The following TNFSF4 variants were observed in gnomAD, a reference collection of about 807,000 sequenced individuals.
The protein encoded by TNFSF4 is TNF superfamily member 4, also known as tumor necrosis factor ligand superfamily member 4.
TNFSF4 carries 4 observed loss-of-function variants against 7.3 expected under a neutral mutation model. That is an observed-to-expected ratio of 0.55 (90% CI 0.27 to 1.25). TNFSF4 has a LOEUF of 1.25. Ranked by LOEUF, TNFSF4 falls within the 50% of genes most tolerant of loss-of-function variation. TNFSF4 has a pLI of 0.12. For missense variants in TNFSF4, 181 were observed against 208.8 expected (o/e 0.87, Z 0.82); for synonymous variants, 76 against 83.7 (o/e 0.91, Z 0.50).
chr1:173,181,996 T>C (rs1436318036), downstream of TNFSF4, among the ~76,000 whole-genome samples: 1 of 152,162 alleles, frequency 6.6e-6, no homozygotes, highest in East Asian at 1.9e-4. Flanking sequence ...AAAAAATACA[T>C]GTATAGAGTG....
At chr1:173,285,017 T>G in the TNFSF4 span, among the ~76,000 whole-genome samples, 1 of 152,218 alleles carries the variant, frequency 6.6e-6, no homozygotes, top group Admixed American at 6.5e-5. Flanking sequence ...TAACAATTCC[T>G]CTAATGAATC....
At chr1:173,422,471 G>C in the TNFSF4 span, among the ~76,000 whole-genome samples, 2 of 152,064 alleles carry the variant, frequency 1.3e-5, no homozygotes, top group Non-Finnish European at 2.9e-5. Flanking sequence ...AGTATGGTGT[G>C]ATAACTGTGC....
At chr1:173,419,289 C>T in the TNFSF4 span, among the ~76,000 whole-genome samples, 1 of 150,824 alleles carries the variant, frequency 6.6e-6, no homozygotes, top group African/African-American at 2.4e-5. Context: ...TTGCAGGGAG[C>T]TGAGATCACA....
the TNFSF4 span, among the ~76,000 whole-genome samples, chr1:173,425,824 C>A: frequency 2.0e-5 from 3 of 152,236 alleles, no homozygotes; most frequent in African/African-American, 7.2e-5. Flanking sequence ...ATTCTACAAC[C>A]TGCATTCATT....
the TNFSF4 span, among the ~76,000 whole-genome samples, chr1:173,272,886 A>G: frequency 6.6e-6 from 1 of 152,070 alleles, no homozygotes; most frequent in Non-Finnish European, 1.5e-5. Context: ...TCTTGATCTC[A>G]TTCATTTAAA....
chr1:173,433,259 T>C, the TNFSF4 span, among the ~76,000 whole-genome samples: 84 of 152,300 alleles, frequency 5.5e-4, no homozygotes, highest in African/African-American at 1.9e-3. Context: ...AGGAGTGTTG[T>C]CTCAAGTGCC....
At chr1:173,250,753 C>A in the TNFSF4 span, among the ~76,000 whole-genome samples, 1 of 152,170 alleles carries the variant, frequency 6.6e-6, no homozygotes, top group Non-Finnish European at 1.5e-5. Context: ...GCCACCGCGC[C>A]CGGCCTCTCC....
chr1:173,201,523 A>ACAAAGC (rs1184872194), intron 1 of TNFSF4, among the ~76,000 whole-genome samples: 3 of 152,206 alleles, frequency 2.0e-5, no homozygotes, highest in African/African-American at 7.2e-5. Context: ...CTTAGCATTT[A>ACAAAGC]CAAAGCTGTG....
chr1:173,432,075 C>A, the TNFSF4 span, among the ~76,000 whole-genome samples: 147,679 of 152,318 alleles, frequency 0.97, 71,785 homozygotes, highest in East Asian at 1. Flanking sequence ...AGGGTAGAAG[C>A]AGAAGAGGTC....
chr1:173,220,940 G>C, the TNFSF4 span, among the ~76,000 whole-genome samples: 4 of 152,238 alleles, frequency 2.6e-5, no homozygotes, highest in African/African-American at 9.6e-5. Context: ...AACCCACAGA[G>C]TAATGAAATA....
chr1:173,369,619 A>T, the TNFSF4 span, among the ~76,000 whole-genome samples: 1 of 152,048 alleles, frequency 6.6e-6, no homozygotes, highest in Non-Finnish European at 1.5e-5. Context: ...CAACAGGCTC[A>T]CCCTTGAAAT....
At chr1:173,360,486 C>T in the TNFSF4 span, among the ~76,000 whole-genome samples, 2 of 152,244 alleles carry the variant, frequency 1.3e-5, no homozygotes, top group Non-Finnish European at 1.5e-5. Context: ...GTTAATTCTA[C>T]TTACCATGCT....
upstream of TNFSF4, among the ~76,000 whole-genome samples, chr1:173,209,634 A>G (rs900367270): frequency 6.6e-6 from 1 of 152,186 alleles, no homozygotes; most frequent in Middle Eastern, 3.4e-3. Context: ...CCTCCCAAGT[A>G]GCTAGGACTA....
the TNFSF4 span, among the ~76,000 whole-genome samples, chr1:173,291,203 G>C: frequency 6.6e-6 from 1 of 152,076 alleles, no homozygotes; most frequent in East Asian, 1.9e-4. Flanking sequence ...GTAAAAGCAG[G>C]AGCAAGGGTG....
the TNFSF4 span, among the ~76,000 whole-genome samples, chr1:173,333,721 C>A: frequency 4.6e-5 from 7 of 152,178 alleles, no homozygotes; most frequent in Non-Finnish European, 8.8e-5. Flanking sequence ...AGACTTTCAG[C>A]CACCAGAACA....
the TNFSF4 span, among the ~76,000 whole-genome samples, chr1:173,268,456 G>A: frequency 3.9e-5 from 6 of 152,126 alleles, no homozygotes; most frequent in Middle Eastern, 0.02. Context: ...TGGTAAAACA[G>A]CAACACCCGT....
chr1:173,397,565 C>T, the TNFSF4 span, among the ~76,000 whole-genome samples: 125 of 152,262 alleles, frequency 8.2e-4, 1 homozygote, highest in Admixed American at 2.0e-3. Flanking sequence ...GGGCCCTGAA[C>T]TATTTCAGTG....
chr1:173,365,246 T>C, the TNFSF4 span, among the ~76,000 whole-genome samples: 1 of 152,240 alleles, frequency 6.6e-6, no homozygotes, highest in South Asian at 2.1e-4. Context: ...AATACATTTC[T>C]ATAATACTAT....
chr1:173,218,600 AT>A, the TNFSF4 span, among the ~76,000 whole-genome samples: 24 of 97,734 alleles, frequency 2.5e-4, no homozygotes, highest in Admixed American at 1.7e-3. Context: ...TTCCCCTAAA[AT>A]TTAAAAAAAA....
Sources: allele counts gnomAD v4.1 joint callset (sites outside exome capture counted in the v4.1 genomes callset), GRCh38; gene constraint gnomAD v4.1.1; transcripts MANE v1.5; gene names NCBI Gene and HGNC (gene_info 2026-07-23, HGNC 2026-07-21).